The following TEX2 variants were observed in gnomAD, a reference collection of about 807,000 sequenced individuals.
TEX2 encodes the protein testis-expressed protein 2.
A neutral mutation model predicts 106.9 loss-of-function variants in TEX2; 53 were observed. The ratio of observed to expected loss-of-function variants is 0.50; its 90% CI spans 0.40 to 0.62. The LOEUF (loss-of-function observed/expected upper bound fraction) is 0.62, where lower values mean the gene tolerates loss of function less well. TEX2 is among the 20% of genes least tolerant of loss of function. TEX2 has a pLI of 0.00. For synonymous variants in TEX2, 523 were observed against 534.8 expected, an observed-to-expected ratio of 0.98 and a Z score of 0.30; for missense variants, 1,207 against 1,379.0, an observed-to-expected ratio of 0.88 and a Z score of 1.98.
At chr17:64,216,169 A>G (rs2033179923) in intron 1 of TEX2, among the ~76,000 whole-genome samples, 2 of 152,250 alleles carry the variant, frequency 1.3e-5, no homozygotes, top group South Asian at 4.1e-4. Flanking sequence ...AGGAACTGGC[A>G]GCAGCCAGAA....
At chr17:64,228,822 T>C (rs556188454) in intron 1 of TEX2, among the ~76,000 whole-genome samples, 11 of 152,294 alleles carry the variant, frequency 7.2e-5, no homozygotes, top group South Asian at 2.1e-4. Context: ...AAGTTGTTTT[T>C]GTTTTTACTT....
chr17:64,259,732 T>TACA (rs2034255152), intron 1 of TEX2, among the ~76,000 whole-genome samples: 2 of 152,218 alleles, frequency 1.3e-5, no homozygotes, highest in Non-Finnish European at 2.9e-5. Context: ...TGTTATTGGG[T>TACA]GCTCACTAGA....
intron 1 of TEX2, among the ~76,000 whole-genome samples, chr17:64,244,803 T>G (rs1363402069): frequency 6.6e-6 from 1 of 152,220 alleles, no homozygotes; most frequent in Non-Finnish European, 1.5e-5. Context: ...TAGTTGCTTT[T>G]TCAAATATGG....
At chr17:64,161,126 G>A (rs980929669) in intron 7 of TEX2, among the ~76,000 whole-genome samples, 193 bp from the exon 8 acceptor site, 7 of 152,234 alleles carry the variant, frequency 4.6e-5, no homozygotes, top group East Asian at 1.9e-4. Context: ...GGAATACATC[G>A]AGCCCCTGGT....
intron 7 of TEX2, among the ~76,000 whole-genome samples, chr17:64,166,195 G>A (rs536686259): frequency 2.6e-5 from 4 of 152,184 alleles, no homozygotes; most frequent in Admixed American, 6.5e-5. Flanking sequence ...CACAGTGGCC[G>A]GAGAGCAGCA....
chr17:64,201,081 T>C (rs573757551), intron 2 of TEX2, among the ~76,000 whole-genome samples: 1 of 152,324 alleles, frequency 6.6e-6, no homozygotes, highest in Admixed American at 6.5e-5. Flanking sequence ...ACACTGATCG[T>C]ATCCAATTAC....
chr17:64,210,212 T>C (rs921181666), intron 2 of TEX2, among the ~76,000 whole-genome samples: 1 of 152,132 alleles, frequency 6.6e-6, no homozygotes, highest in Non-Finnish European at 1.5e-5. Context: ...CACGCGTGAG[T>C]CATTTTTGCT....
At chr17:64,174,283 G>C (rs535168436) in intron 6 of TEX2, among the ~76,000 whole-genome samples, 1 of 152,284 alleles carries the variant, frequency 6.6e-6, no homozygotes, top group South Asian at 2.1e-4. Context: ...TCCCTGCAAA[G>C]GCAAAGGAAG....
intron 2 of TEX2, among the ~76,000 whole-genome samples, chr17:64,202,209 C>T (rs1555630179): frequency 1.3e-5 from 2 of 152,144 alleles, no homozygotes; most frequent in Admixed American, 6.6e-5. Flanking sequence ...GTGACTGGAG[C>T]CCATGTTTCC....
intron 5 of TEX2, among the ~76,000 whole-genome samples, chr17:64,179,572 G>T (rs567245282): frequency 6.6e-6 from 1 of 152,206 alleles, no homozygotes; most frequent in Non-Finnish European, 1.5e-5. Context: ...CTTCATTCTT[G>T]AAGTCAGTGA....
intron 5 of TEX2, among the ~76,000 whole-genome samples, chr17:64,187,397 T>C (rs2032116019): frequency 6.6e-6 from 1 of 152,074 alleles, no homozygotes; most frequent in African/African-American, 2.4e-5. Flanking sequence ...GCCTCTGCGT[T>C]CTCTCACGTC....
chr17:64,176,562 G>C (rs942671651), intron 6 of TEX2, among the ~76,000 whole-genome samples: 24 of 152,126 alleles, frequency 1.6e-4, no homozygotes, highest in African/African-American at 5.8e-4. Flanking sequence ...TCTTCACTGG[G>C]TCAAAAAGTT....
At chr17:64,189,831 A>T (rs1166196728) in intron 4 of TEX2, among the ~76,000 whole-genome samples, 1 of 151,972 alleles carries the variant, frequency 6.6e-6, no homozygotes, top group Non-Finnish European at 1.5e-5. Flanking sequence ...AAAATACAAA[A>T]CATTAGCCTG....
intron 1 of TEX2, among the ~76,000 whole-genome samples, chr17:64,259,247 G>GC (rs1382338336): frequency 6.6e-6 from 1 of 152,162 alleles, no homozygotes; most frequent in Non-Finnish European, 1.5e-5. Flanking sequence ...CCCCACCAAT[G>GC]CCAGTCAAGG....
rs117014754 is a variant in TEX2, at chr17:64,261,546, C to A, written c.-26+1622G>T. ...TTTCCTCCCTCCTCGTCTGTCCCAG[C>A]CCCTCGGTTGCTTGTCAGTAGACTC... On this transcript the variant is annotated intron_variant, in intron 1 of 11. Transcript: ENST00000584379. Among the ~76,000 whole-genome samples, 691 of 152,296 alleles carry A rather than the reference C, an allele frequency of 4.5e-3. 6 individuals are homozygous for A. Among genetic ancestry groups the A allele is most frequent in the Non-Finnish European group, 4.6e-3 (314 of 68,022 alleles).
chr17:64,209,095 A>C (rs2032922991), intron 2 of TEX2, among the ~76,000 whole-genome samples: 1 of 152,222 alleles, frequency 6.6e-6, no homozygotes, highest in Non-Finnish European at 1.5e-5. Context: ...ATACAAGATG[A>C]ACAAGATGGA....
chr17:64,251,118 A>G (rs1439225006), intron 1 of TEX2, among the ~76,000 whole-genome samples: 3 of 152,130 alleles, frequency 2.0e-5, no homozygotes, highest in Non-Finnish European at 2.9e-5. Context: ...TCTAACTCCA[A>G]TCCTAACAAC....
intron 4 of TEX2, among the ~76,000 whole-genome samples, chr17:64,189,288 A>T (rs1477993523): frequency 1.3e-5 from 2 of 152,222 alleles, no homozygotes; most frequent in Non-Finnish European, 2.9e-5. Flanking sequence ...GAAGGGGGTG[A>T]CTACCTCTGC....
Position 64,193,882 on chromosome 17 carries a change from A to G in TEX2, c.1853T>C (p.Leu618Pro). The change falls in exon 4 of 12, where the codon CTT (leucine) becomes CCT (proline). Residue 618 changes from leucine to proline, a missense_variant. By Grantham distance (98) the Leu-to-Pro change is moderately conservative. Coordinates refer to ENST00000584379, the MANE Select transcript of TEX2 (RefSeq NM_001288732.2). Reference sequence around the variant, plus strand: ...CTTTCGAGCCAAAGTTTTAGGTACAAGATAAATCTACAGAGAAAGAAAAAT... The same window carrying G: ...CTTTCGAGCCAAAGTTTTAGGTACAGGATAAATCTACAGAGAAAGAAAAAT... ...IYDLSDSKIYLVPKTLARKRI... is the reference protein window; with the variant it reads ...IYDLSDSKIYPVPKTLARKRI... 1 of 1,539,394 alleles carries G rather than the reference A, an allele frequency of 6.5e-7. No homozygotes were observed. The highest frequency in any genetic ancestry group is 8.8e-7 in the Non-Finnish European group (1 of 1,139,512).
Sources: gnomAD v4.1 joint callset for allele counts (sites outside exome capture counted in the v4.1 genomes callset) on GRCh38, gnomAD v4.1.1 for gene constraint, MANE v1.5 for transcripts, NCBI Gene and HGNC (gene_info 2026-07-23, HGNC 2026-07-21) for gene names.